CHFR: variants seen among roughly 807,000 people sequenced by gnomAD.
CHFR encodes the protein E3 ubiquitin-protein ligase CHFR.
In CHFR, 57 loss-of-function variants were observed where a neutral mutation model predicts 87.6. The ratio of observed to expected loss-of-function variants is 0.65; its 90% CI spans 0.53 to 0.81. The LOEUF is 0.81. Ranked by LOEUF, CHFR falls within the 30% of genes least tolerant of loss-of-function variation. CHFR has a pLI of 0.00. For synonymous variants in CHFR, 381 were observed against 359.2 expected, an observed-to-expected ratio of 1.06 and a Z score of -0.69; for missense variants, 797 against 865.8, an observed-to-expected ratio of 0.92 and a Z score of 1.00.
intron 17 of CHFR, 22 bp downstream of exon 17, chr12:132,842,989 C>T (rs766363905): frequency 3.7e-6 from 6 of 1,600,920 alleles, no homozygotes; most frequent in Non-Finnish European, 3.4e-6. Context: ...TAGCTGACGC[C>T]TGTGCCCCCA....
intron 6 of CHFR, among the ~76,000 whole-genome samples, chr12:132,864,120 T>C (rs986473555): frequency 7.9e-5 from 12 of 151,856 alleles, no homozygotes; most frequent in African/African-American, 2.4e-4. Context: ...TAGTTTATCA[T>C]ATTACAGCAT....
Position 132,841,483 on chromosome 12 carries a change from C to T in CHFR, c.*71G>A, listed in dbSNP as rs1045979. On this transcript the variant is annotated 3_prime_UTR_variant, in exon 18 of 18. Transcript: ENST00000450056. ...GGGGCTGTGAAAACACCTTGACGTG[C>T]TTGTCTCTGTATTTTAAAAACACGC... 0.27 allele frequency: 361,787 copies of T among 1,361,256 alleles called. 52,428 individuals are homozygous for T. Among genetic ancestry groups the T allele is most frequent in the Non-Finnish European group, 0.31 (291,638 of 949,952 alleles). The allele number at this position is 1,361,256 out of a possible 1,614,324, so 84.3% of individuals were successfully genotyped here.
At chr12:132,859,255 G>GT (rs764906226) in intron 7 of CHFR, 28 bp from the exon 8 acceptor site, 3 of 1,594,218 alleles carry the variant, frequency 1.9e-6, no homozygotes, top group Non-Finnish European at 2.6e-6. Context: ...GTGTTCTGTC[G>GT]TAACCAAGAA....
chr12:132,885,716 G>A (rs1004962963), intron 2 of CHFR, among the ~76,000 whole-genome samples: 2 of 152,106 alleles, frequency 1.3e-5, no homozygotes, highest in Admixed American at 6.5e-5. Flanking sequence ...TAAGCAGTCC[G>A]TGTATGATCT....
At chr12:132,845,800 C>T (rs1250316825) in intron 15 of CHFR, among the ~76,000 whole-genome samples, 5 of 152,272 alleles carry the variant, frequency 3.3e-5, no homozygotes, top group East Asian at 1.9e-4. Context: ...GACAACTGAC[C>T]CCAGGACCTC....
chr12:132,877,025 C>T (rs1016157036), intron 3 of CHFR, among the ~76,000 whole-genome samples: 7 of 152,092 alleles, frequency 4.6e-5, no homozygotes, highest in African/African-American at 1.4e-4. Flanking sequence ...GAGCTCCTGA[C>T]CTCAGGTGAT....
At chr12:132,870,818 GC>G in intron 4 of CHFR, 35 bp from the exon 5 acceptor site, 2 of 1,421,644 alleles carry the variant, frequency 1.4e-6, no homozygotes, top group African/African-American at 1.4e-5. Context: ...AAAAGTGGTG[GC>G]CCCTGTGCAA....
rs1343439692 is a variant in CHFR, at chr12:132,833,910, C to G, written c.*7644G>C. The G allele has an allele frequency of 6.6e-6, 1 of 152,270 alleles. No individual in the cohort carries two copies. The highest frequency in any genetic ancestry group is 1.5e-5 in the Non-Finnish European group (1 of 68,092). The allele number at this position is 152,270 out of a possible 1,614,324, so 9.4% of individuals were successfully genotyped here. A position where few individuals can be genotyped will look rare whatever the true frequency, so the allele number is the denominator to read the frequency against. On this transcript the variant is annotated 3_prime_UTR_variant, in exon 18 of 18. Coordinates refer to ENST00000450056, the MANE Select transcript of CHFR (RefSeq NM_001161346.2). ...GGGAAAGGCAAGGAGAACGAGTACT[C>G]AAAGGCACCTTTGAGGAAGTAATAT...
intron 3 of CHFR, among the ~76,000 whole-genome samples, chr12:132,875,011 A>G (rs113820033): frequency 1.7e-3 from 153 of 87,856 alleles, no homozygotes; most frequent in Middle Eastern, 9.1e-3. Context: ...CCCAGCGTGG[A>G]GAAGCCAGGC....
At chr12:132,884,629 G>A (rs1157709886) in intron 2 of CHFR, among the ~76,000 whole-genome samples, 1 of 152,018 alleles carries the variant, frequency 6.6e-6, no homozygotes, top group Non-Finnish European at 1.5e-5. Flanking sequence ...ATGTCACAGG[G>A]CTGGTGCCCT....
chr12:132,871,202 AG>A (rs1951479792), intron 4 of CHFR, among the ~76,000 whole-genome samples: 1 of 152,222 alleles, frequency 6.6e-6, no homozygotes, highest in Non-Finnish European at 1.5e-5. Flanking sequence ...CTGTAATCCC[AG>A]CACTCTGGGA....
chr12:132,866,652 C>T (rs1475041609), intron 6 of CHFR: 1 of 150,776 alleles, frequency 6.6e-6, no homozygotes, highest in African/African-American at 2.4e-5. Flanking sequence ...TTACAACACA[C>T]CGGAATGTTA....
Position 132,877,208 on chromosome 12 carries a change from T to G in CHFR, c.233+347A>C, listed in dbSNP as rs571830719. Among the ~76,000 whole-genome samples the G allele has an allele frequency of 4.6e-5, 7 of 152,344 alleles. No homozygotes were observed. In the East Asian group the frequency reaches 1.2e-3, roughly 25 times the overall value. On this transcript the variant is annotated intron_variant, in intron 3 of 17. Transcript: ENST00000450056. ...TTAGATAAATACTCTTACCATTGTG[T>G]TACAACTGCCTATAGCATTCAGTAC...
intron 5 of CHFR, among the ~76,000 whole-genome samples, chr12:132,870,316 C>T (rs1163745946): frequency 6.6e-6 from 1 of 151,752 alleles, no homozygotes; most frequent in Non-Finnish European, 1.5e-5. Context: ...CGCGCCACTG[C>T]ACTCCAGCCT....
intron 4 of CHFR, 28 bp from the exon 5 acceptor site, chr12:132,870,811 A>C (rs1370282264): frequency 6.7e-7 from 1 of 1,490,046 alleles, no homozygotes; most frequent in Admixed American, 1.7e-5. Flanking sequence ...AAATCAGAAA[A>C]GTGGTGGCCC....
At chr12:132,865,387 G>C (rs1269472087) in intron 6 of CHFR, among the ~76,000 whole-genome samples, 1 of 151,734 alleles carries the variant, frequency 6.6e-6, no homozygotes, top group Non-Finnish European at 1.5e-5. Flanking sequence ...TTGAGACCTG[G>C]TCTGTCGCCC....
At chr12:132,848,308 A>C in intron 13 of CHFR, 153 bp from the exon 14 acceptor site, 1 of 1,393,542 alleles carries the variant, frequency 7.2e-7, no homozygotes. Context: ...AACAGAGGAC[A>C]AGCAGAAATG....
At chr12:132,883,908 A>G (rs1951825436) in intron 2 of CHFR, among the ~76,000 whole-genome samples, 1 of 152,232 alleles carries the variant, frequency 6.6e-6, no homozygotes, top group Admixed American at 6.5e-5. Flanking sequence ...ATTTGAGGCC[A>G]GGAGTTCAAG....
At chr12:132,864,454 T>G (rs1283844910) in intron 6 of CHFR, among the ~76,000 whole-genome samples, 1 of 152,014 alleles carries the variant, frequency 6.6e-6, no homozygotes, top group Non-Finnish European at 1.5e-5. Flanking sequence ...ATGCATACAC[T>G]TAGGCATACA....
Sources: allele counts gnomAD v4.1 joint callset (sites outside exome capture counted in the v4.1 genomes callset), GRCh38; gene constraint gnomAD v4.1.1; transcripts MANE v1.5; gene names NCBI Gene and HGNC (gene_info 2026-07-23, HGNC 2026-07-21).